The following NLGN1 variants were observed in gnomAD, a reference collection of about 807,000 sequenced individuals.
The protein encoded by NLGN1 is neuroligin 1, also known as neuroligin-1.
Under a neutral mutation model 65.5 loss-of-function variants are expected in NLGN1, and 12 were observed. The ratio of observed to expected loss-of-function variants is 0.18; its 90% CI spans 0.12 to 0.30. NLGN1 has a LOEUF of 0.30. NLGN1 is among the 10% of genes least tolerant of loss of function. The probability of loss-of-function intolerance (pLI) is 1.00; values close to 1 mark genes in which losing one functional copy is unlikely to be tolerated. For missense variants in NLGN1, 750 were observed against 1,007.1 expected, an observed-to-expected ratio of 0.74 and a Z score of 3.46; for synonymous variants, 350 against 359.5, an observed-to-expected ratio of 0.97 and a Z score of 0.30.
At chr3:173,445,601 G>C (rs1356648496) in intron 2 of NLGN1, among the ~76,000 whole-genome samples, 2 of 152,190 alleles carry the variant, frequency 1.3e-5, no homozygotes, top group African/African-American at 2.4e-5. Context: ...TGCACTAATA[G>C]AGTAATGGTT....
intron 2 of NLGN1, among the ~76,000 whole-genome samples, chr3:173,601,192 A>T (rs564052618): frequency 1.3e-5 from 2 of 152,076 alleles, no homozygotes; most frequent in South Asian, 4.1e-4. Flanking sequence ...TGGTCTACTG[A>T]GTAAGATTTT....
At chr3:173,699,273 G>A (rs1255919404) in intron 3 of NLGN1, among the ~76,000 whole-genome samples, 1 of 152,062 alleles carries the variant, frequency 6.6e-6, no homozygotes, top group African/African-American at 2.4e-5. Flanking sequence ...TAAAATAAAA[G>A]AACACAAACT....
chr3:174,274,920 G>A (rs143122976), intron 4 of NLGN1, among the ~76,000 whole-genome samples: 93 of 151,822 alleles, frequency 6.1e-4, no homozygotes, highest in Non-Finnish European at 1.2e-3. Flanking sequence ...CACATTTGAC[G>A]ACAAGCAACT....
At chr3:174,208,449 C>T (rs188683939) in intron 4 of NLGN1, among the ~76,000 whole-genome samples, 1 of 152,100 alleles carries the variant, frequency 6.6e-6, no homozygotes, top group Admixed American at 6.5e-5. Flanking sequence ...CCAATATGAC[C>T]CCCTTCCAAA....
chr3:173,809,420 CTGAT>C lies in NLGN1; in HGVS notation c.646+1590_646+1593del, dbSNP rs140424381. Among the ~76,000 whole-genome samples, 1,268 of 152,102 alleles carry C rather than the reference CTGAT, an allele frequency of 8.3e-3. 19 individuals are homozygous for C. Among genetic ancestry groups the C allele is most frequent in the African/African-American group, 0.029 (1,201 of 41,498 alleles). On this transcript the variant is annotated intron_variant, in intron 4 of 6. Coordinates refer to ENST00000457714, the Ensembl canonical transcript of NLGN1. ...ATTGTTGAGAGCTCAGTTGTTTTTG[CTGAT>C]TATTATTCTTATATTTTTCTAATTT...
At chr3:173,739,238 G>A (rs1225484987) in intron 3 of NLGN1, among the ~76,000 whole-genome samples, 1 of 152,048 alleles carries the variant, frequency 6.6e-6, no homozygotes, top group Non-Finnish European at 1.5e-5. Flanking sequence ...ACCACATTGT[G>A]GGGGCCAGAA....
intron 2 of NLGN1, among the ~76,000 whole-genome samples, chr3:173,534,827 C>T (rs1227865309): frequency 1.3e-5 from 2 of 152,188 alleles, no homozygotes; most frequent in African/African-American, 4.8e-5. Flanking sequence ...CCTTTCCTCA[C>T]ACCTGCCCAA....
At chr3:174,061,946 G>C in intron 4 of NLGN1, among the ~76,000 whole-genome samples, 1 of 152,060 alleles carries the variant, frequency 6.6e-6, no homozygotes, top group Non-Finnish European at 1.5e-5. Flanking sequence ...ACCATCTGTT[G>C]ACTTAAGTCA....
downstream of NLGN1, among the ~76,000 whole-genome samples, chr3:174,288,754 G>A (rs1252354095): frequency 6.6e-6 from 1 of 151,408 alleles, no homozygotes; most frequent in African/African-American, 2.4e-5. Flanking sequence ...GCCTAACAGA[G>A]CTCCACTATC....
chr3:173,841,642 A>G (rs1724797163), intron 4 of NLGN1, among the ~76,000 whole-genome samples: 1 of 152,208 alleles, frequency 6.6e-6, no homozygotes, highest in Non-Finnish European at 1.5e-5. Flanking sequence ...GAAATTGCTA[A>G]AAAGGAAGAC....
At chr3:174,163,437 T>G (rs1007820891) in intron 4 of NLGN1, among the ~76,000 whole-genome samples, 9 of 152,036 alleles carry the variant, frequency 5.9e-5, no homozygotes, top group Non-Finnish European at 1.3e-4. Flanking sequence ...ATTACTCTTT[T>G]CCAACTTTTA....
intron 3 of NLGN1, among the ~76,000 whole-genome samples, chr3:173,763,467 G>A (rs1778302198): frequency 6.6e-6 from 1 of 151,882 alleles, no homozygotes. Context: ...TCATGATTTG[G>A]GTTTACTTTT....
At position 174,078,637 on chromosome 3, in the gene NLGN1, T is replaced by A. The variant is rs950415327; in HGVS notation, c.647-196678T>A. Among the ~76,000 whole-genome samples, 3 of 152,176 alleles carry A rather than the reference T, an allele frequency of 2.0e-5. No homozygotes were observed. In the South Asian group the frequency reaches 6.2e-4, roughly 31 times the overall value. ...AATCATTATGATGCTACTTCCTACC[T>A]ATGTAGCATTAGGATTATTTATTTA... On this transcript the variant is annotated intron_variant, in intron 4 of 6. Coordinates refer to ENST00000457714, the Ensembl canonical transcript of NLGN1.
intron 3 of NLGN1, among the ~76,000 whole-genome samples, chr3:173,771,540 A>G (rs1779572847): frequency 6.6e-6 from 1 of 152,186 alleles, no homozygotes; most frequent in South Asian, 2.1e-4. Flanking sequence ...TTCTTGAGTG[A>G]ACAAGTACTC....
chr3:173,541,708 A>C (rs1270895843), intron 2 of NLGN1, among the ~76,000 whole-genome samples: 2 of 152,186 alleles, frequency 1.3e-5, no homozygotes, highest in Non-Finnish European at 2.9e-5. Flanking sequence ...TTCACTTTAC[A>C]TAGAAATTAT....
chr3:174,122,801 T>C (rs2152650097), intron 4 of NLGN1, among the ~76,000 whole-genome samples: 1 of 152,314 alleles, frequency 6.6e-6, no homozygotes, highest in African/African-American at 2.4e-5. Context: ...TGAATTTTTT[T>C]TTTCTCATTC....
intron 4 of NLGN1, among the ~76,000 whole-genome samples, chr3:174,135,505 A>G (rs1721044451): frequency 6.6e-6 from 1 of 152,216 alleles, no homozygotes; most frequent in African/African-American, 2.4e-5. Flanking sequence ...AATAACACAG[A>G]TAAATCTTTG....
intron 4 of NLGN1, among the ~76,000 whole-genome samples, chr3:174,071,906 C>G (rs751535571): frequency 1.3e-5 from 2 of 151,990 alleles, no homozygotes; most frequent in Non-Finnish European, 2.9e-5. Flanking sequence ...AAGCTTATGT[C>G]CAAGTAAGAT....
At chr3:174,010,694 G>A (rs756150598) in intron 4 of NLGN1, among the ~76,000 whole-genome samples, 1 of 152,042 alleles carries the variant, frequency 6.6e-6, no homozygotes, top group Non-Finnish European at 1.5e-5. Flanking sequence ...ACTTGAATTG[G>A]TGAATTAAAG....
Sources: gnomAD v4.1 joint callset for allele counts (sites outside exome capture counted in the v4.1 genomes callset) on GRCh38, gnomAD v4.1.1 for gene constraint, MANE v1.5 for transcripts, NCBI Gene and HGNC (gene_info 2026-07-23, HGNC 2026-07-21) for gene names.